EPHA6: variants seen among roughly 807,000 people sequenced by gnomAD.
EPHA6 encodes EPH receptor A6.
In EPHA6, 50 loss-of-function variants were observed where a neutral mutation model predicts 112.0. The ratio of observed to expected loss-of-function variants is 0.45; its 90% CI spans 0.36 to 0.56. The LOEUF is 0.56. EPHA6 is among the 20% of genes least tolerant of loss of function. The pLI, the probability that EPHA6 is intolerant of heterozygous loss-of-function variation, is 0.00. For missense variants in EPHA6, 1,280 were observed against 1,417.4 expected, an observed-to-expected ratio of 0.90 and a Z score of 1.56; for synonymous variants, 529 against 490.7, an observed-to-expected ratio of 1.08 and a Z score of -1.03.
chr3:97,294,356 A>G (rs1252317678), intron 5 of EPHA6, among the ~76,000 whole-genome samples: 3 of 151,990 alleles, frequency 2.0e-5, no homozygotes, highest in Non-Finnish European at 4.4e-5. Context: ...CTTGGTTTCT[A>G]TTTGTTTATA....
rs763682996 is a variant in EPHA6, at chr3:96,994,759, A to AGAGAGAGAGAGCGAGC, written c.1114+6769_1114+6770insAGAGAGAGCGAGCGAG. ...GAGAGAGAGAGAGAGAGAGAGAGAG[A>AGAGAGAGAGAGCGAGC]GAGCTATATATATACCTACAGGCTG... On this transcript the variant is annotated intron_variant, in intron 3 of 17. Transcript: ENST00000389672. 1.0e-3 allele frequency among the ~76,000 whole-genome samples: 121 copies of AGAGAGAGAGAGCGAGC among 116,194 alleles called. 1 individual carries two copies. Among genetic ancestry groups the AGAGAGAGAGAGCGAGC allele is most frequent in the African/African-American group, 3.2e-3 (89 of 28,168 alleles). 76.2% of individuals were successfully genotyped at this position (116,194 alleles called of 152,430 possible). A position where few individuals can be genotyped will look rare whatever the true frequency, so the allele number is the denominator to read the frequency against.
At chr3:96,995,759 T>G (rs1372524393) in intron 3 of EPHA6, among the ~76,000 whole-genome samples, 1 of 152,178 alleles carries the variant, frequency 6.6e-6, no homozygotes, top group Admixed American at 6.6e-5. Context: ...AACACCTTAT[T>G]GCTAAAAAAT....
intron 5 of EPHA6, among the ~76,000 whole-genome samples, chr3:97,402,201 T>C (rs1425539774): frequency 6.6e-6 from 1 of 152,042 alleles, no homozygotes; most frequent in East Asian, 1.9e-4. Context: ...AATCCAATAT[T>C]ACTTTTTTGA....
chr3:97,628,874 C>T (rs1178248039), intron 13 of EPHA6, among the ~76,000 whole-genome samples: 2 of 151,900 alleles, frequency 1.3e-5, no homozygotes. Flanking sequence ...ATCTAAATAA[C>T]ACTCATTTTA....
intron 15 of EPHA6, among the ~76,000 whole-genome samples, chr3:97,734,538 G>A (rs2035174423): frequency 1.3e-5 from 2 of 151,838 alleles, no homozygotes; most frequent in African/African-American, 4.8e-5. Context: ...GACAATGATG[G>A]GATTATGAGA....
At chr3:97,164,124 A>G (rs2076481650) in intron 3 of EPHA6, among the ~76,000 whole-genome samples, 1 of 152,160 alleles carries the variant, frequency 6.6e-6, no homozygotes, top group Non-Finnish European at 1.5e-5. Context: ...TTGTTCATAT[A>G]TATTTGACAT....
Position 97,182,081 on chromosome 3 carries a change from A to G in EPHA6, c.1115-44183A>G, listed in dbSNP as rs115155844. ...GCCATACCCCAGAGAAAAGATGAACAAACTTGGTGCTTGCCCTTCCAGAAG... is the reference window on the plus strand; with the variant it reads ...GCCATACCCCAGAGAAAAGATGAACGAACTTGGTGCTTGCCCTTCCAGAAG... On this transcript the variant is annotated intron_variant, in intron 3 of 17. Transcript: ENST00000389672. Among the ~76,000 whole-genome samples the G allele has an allele frequency of 3.6e-3, 551 of 152,254 alleles. 2 individuals are homozygous for G. The highest frequency in any genetic ancestry group is 0.011 in the African/African-American group (474 of 41,564).
intron 14 of EPHA6, among the ~76,000 whole-genome samples, chr3:97,718,593 A>C (rs2034359240): frequency 6.6e-6 from 1 of 152,058 alleles, no homozygotes; most frequent in African/African-American, 2.4e-5. Context: ...TGAGTCCCTT[A>C]TTTTATCTGG....
chr3:97,704,129 G>T (rs1465941527), intron 14 of EPHA6, among the ~76,000 whole-genome samples: 1 of 152,138 alleles, frequency 6.6e-6, no homozygotes, highest in African/African-American at 2.4e-5. Flanking sequence ...AATCTTTCTA[G>T]TCTAATTAGC....
rs554613312 is a variant in EPHA6, at chr3:97,758,914, C to T, written c.*10213C>T. Among the ~76,000 whole-genome samples, 6 of 151,856 alleles carry T rather than the reference C, an allele frequency of 4.0e-5. No homozygotes were observed. The highest frequency in any genetic ancestry group is 9.7e-5 in the African/African-American group (4 of 41,398). ...TGAGGCAAAAAGAGGAGAAGGTATACGCATGAGGCTACTGGAGTAATTCCA... is the reference window on the plus strand; with the variant it reads ...TGAGGCAAAAAGAGGAGAAGGTATATGCATGAGGCTACTGGAGTAATTCCA... On this transcript the variant is annotated 3_prime_UTR_variant, in exon 18 of 18. Coordinates refer to ENST00000389672, the MANE Select transcript of EPHA6 (RefSeq NM_001080448.3).
At chr3:97,021,400 A>G (rs1011645672) in intron 3 of EPHA6, among the ~76,000 whole-genome samples, 2 of 151,316 alleles carry the variant, frequency 1.3e-5, no homozygotes, top group Middle Eastern at 3.2e-3. Context: ...TCCTGTGACT[A>G]CTCTGTTATT....
intron 2 of EPHA6, among the ~76,000 whole-genome samples, chr3:96,885,926 T>G (rs2037594739): frequency 6.6e-6 from 1 of 152,174 alleles, no homozygotes; most frequent in Non-Finnish European, 1.5e-5. Context: ...GTTGTGTCAT[T>G]ATTGTTGTTC....
At chr3:97,230,772 C>T (rs1185921497) in intron 4 of EPHA6, among the ~76,000 whole-genome samples, 3 of 152,076 alleles carry the variant, frequency 2.0e-5, no homozygotes, top group Non-Finnish European at 2.9e-5. Flanking sequence ...TCTTCAGCTG[C>T]AGCAAAGAAA....
At chr3:97,576,073 G>A (rs897213634) in intron 11 of EPHA6, among the ~76,000 whole-genome samples, 1 of 152,082 alleles carries the variant, frequency 6.6e-6, no homozygotes, top group Admixed American at 6.5e-5. Flanking sequence ...GAGTGAAGGG[G>A]TAGGCTAAGG....
At chr3:97,303,036 T>C (rs547465366) in intron 5 of EPHA6, among the ~76,000 whole-genome samples, 7 of 151,972 alleles carry the variant, frequency 4.6e-5, no homozygotes, top group African/African-American at 1.4e-4. Context: ...AACCAAGGAA[T>C]GAAGAGAGAT....
intron 3 of EPHA6, among the ~76,000 whole-genome samples, chr3:97,063,169 A>G (rs111759994): frequency 0.014 from 2,122 of 152,282 alleles, 42 homozygotes; most frequent in African/African-American, 0.048. Flanking sequence ...AGAGACAGAA[A>G]TATCATTTGA....
chr3:97,688,491 C>T (rs771063803), intron 14 of EPHA6, among the ~76,000 whole-genome samples: 2 of 147,370 alleles, frequency 1.4e-5, no homozygotes, highest in Non-Finnish European at 3.0e-5. Context: ...AACCAAACAC[C>T]GCATGTTCTC....
intron 3 of EPHA6, among the ~76,000 whole-genome samples, chr3:97,180,734 A>G (rs1277116243): frequency 2.6e-5 from 4 of 152,054 alleles, no homozygotes; most frequent in African/African-American, 9.7e-5. Flanking sequence ...TAGATACAAG[A>G]TAAAGTCCTC....
chr3:97,393,518 A>T (rs2086535834), intron 5 of EPHA6, among the ~76,000 whole-genome samples: 1 of 151,866 alleles, frequency 6.6e-6, no homozygotes, highest in Non-Finnish European at 1.5e-5. Flanking sequence ...TCTGTAATTA[A>T]GTGCTGACAG....
Sources: allele counts gnomAD v4.1 joint callset (sites outside exome capture counted in the v4.1 genomes callset), GRCh38; gene constraint gnomAD v4.1.1; transcripts MANE v1.5; gene names NCBI Gene and HGNC (gene_info 2026-07-23, HGNC 2026-07-21).